Variants in SEPTIN8 observed in about 807,000 individuals in gnomAD.
The protein encoded by SEPTIN8 is septin 8.
Under a neutral mutation model 53.1 loss-of-function variants are expected in SEPTIN8, and 22 were observed. That is an observed-to-expected ratio of 0.41 (90% CI 0.30 to 0.59). The LOEUF is 0.59. Ranked by LOEUF, SEPTIN8 falls within the 20% of genes least tolerant of loss-of-function variation. The pLI is 0.24. For missense variants in SEPTIN8, 536 were observed against 638.7 expected (o/e 0.84, Z 1.73); for synonymous variants, 228 against 248.4 (o/e 0.92, Z 0.77).
intron 9 of SEPTIN8, 83 bp from the exon 10 acceptor site, chr5:132,752,264 A>T: frequency 6.8e-7 from 1 of 1,479,810 alleles, no homozygotes; most frequent in Non-Finnish European, 9.1e-7. Flanking sequence ...CTCTGACCCC[A>T]AAGGGGTACC....
rs921220441 is a variant in SEPTIN8 at position 132,773,944 on chromosome 5, C to G, written c.30+3164G>C. 5 of 152,446 alleles carry G rather than the reference C, an allele frequency of 3.3e-5. No individual in the cohort carries two copies. The highest frequency in any genetic ancestry group is 1.2e-4 in the African/African-American group (5 of 41,470). 9.4% of individuals were successfully genotyped at this position (152,446 alleles called of 1,614,324 possible). On this transcript the variant is annotated intron_variant, in intron 1 of 9. Coordinates refer to ENST00000378719, the MANE Select transcript of SEPTIN8 (RefSeq NM_001098811.2). This position sits in a 1 kb window ranked among gnomAD's most constrained non-coding sequence, Gnocchi z 4.2. Reference sequence around the variant, plus strand: ...TCACCTCCTGGGGGAGAGGGCAGAGCTGCAGCTCTGCAGGTGGTGCTCACA... The same window carrying G: ...TCACCTCCTGGGGGAGAGGGCAGAGGTGCAGCTCTGCAGGTGGTGCTCACA...
chr5:132,763,442 A>C (rs1756204703), intron 4 of SEPTIN8, among the ~76,000 whole-genome samples: 1 of 152,216 alleles, frequency 6.6e-6, no homozygotes, highest in African/African-American at 2.4e-5. Flanking sequence ...GGAGGGGCTG[A>C]CAATGAGAAT....
chr5:132,751,646 T>A lies in SEPTIN8; in HGVS notation c.*370A>T. 1 of 415,156 alleles carries A rather than the reference T, an allele frequency of 2.4e-6. No individual in the cohort carries two copies. The highest frequency in any genetic ancestry group is 4.4e-5 in the East Asian group (1 of 22,828). The allele number at this position is 415,156 out of a possible 1,614,324, so 25.7% of individuals were successfully genotyped here. A position where few individuals can be genotyped will look rare whatever the true frequency, so the allele number is the denominator to read the frequency against. ...TCGTCTTATGATAAGCAGATACAAG[T>A]AACTTTTCTGCTACCTTGGTCTTGA... On this transcript the variant is annotated 3_prime_UTR_variant, in exon 10 of 10. Coordinates refer to ENST00000378719, the MANE Select transcript of SEPTIN8 (RefSeq NM_001098811.2).
chr5:132,757,782 T>G, intron 9 of SEPTIN8: 3 of 985,476 alleles, frequency 3.0e-6, no homozygotes, highest in Non-Finnish European at 3.6e-6. Context: ...AATGTTCCCC[T>G]TTAGAGTGCA....
chr5:132,759,058 T>G (rs1755631732), intron 9 of SEPTIN8: 2 of 677,732 alleles, frequency 3.0e-6, no homozygotes, highest in Non-Finnish European at 5.6e-6. Flanking sequence ...TTAAAGAGTA[T>G]GCATAACCAA....
In SEPTIN8 at chr5:132,751,197, T is replaced by C. The variant is rs1754815843; in HGVS notation, c.*819A>G. On this transcript the variant is annotated 3_prime_UTR_variant, in exon 10 of 10. Transcript: ENST00000378719. Reference sequence around the variant, plus strand: ...AACACAGTTCCACCAGACTCCCACTTCTAAAGGACATTAAATTAACTTTAC... The same window carrying C: ...AACACAGTTCCACCAGACTCCCACTCCTAAAGGACATTAAATTAACTTTAC... The C allele has an allele frequency of 1.8e-5, 9 of 495,826 alleles. No individual in the cohort carries two copies. The South Asian group carries it at 3.9e-4, about 21-fold the overall frequency. The allele number at this position is 495,826 out of a possible 1,614,324, so 30.7% of individuals were successfully genotyped here.
intron 9 of SEPTIN8, among the ~76,000 whole-genome samples, chr5:132,755,785 CT>C (rs1561735313): frequency 2.0e-5 from 3 of 152,170 alleles, no homozygotes; most frequent in African/African-American, 7.2e-5. Context: ...CTTCCTGTAA[CT>C]TTCCTGTGAC....
In SEPTIN8 at chr5:132,761,248, T is replaced by C; in HGVS notation, c.980A>G (p.Glu327Gly). The C allele has an allele frequency of 6.2e-7, 1 of 1,613,976 alleles. No homozygotes were observed. Among genetic ancestry groups the C allele is most frequent in the Non-Finnish European group, 8.5e-7 (1 of 1,180,034 alleles). Reference protein sequence around the residue: ...SQPFSLQETYEAKRKEFLSEL... With the variant: ...SQPFSLQETYGAKRKEFLSEL... ...ACTTAGGAACTCCTTCCTCTTGGCC[T>C]CGTATGTCTCTTGTAGGCTGTGGAG... Residue 327 changes from glutamate (E) to glycine (G), a missense_variant, in exon 8 of 10, where the codon GAG becomes GGG. Glu to Gly is a moderately conservative substitution (Grantham distance 98, BLOSUM62 -2). Coordinates refer to ENST00000378719, the MANE Select transcript of SEPTIN8 (RefSeq NM_001098811.2). This position sits in a 1 kb window ranked among gnomAD's most constrained non-coding sequence, Gnocchi z 5.8.
chr5:132,777,788 C>A, upstream of SEPTIN8: 1 of 985,446 alleles, frequency 1.0e-6, no homozygotes, highest in Non-Finnish European at 1.2e-6. The surrounding 1 kb of genome is among the most constrained non-coding windows in gnomAD (Gnocchi z 4.1). Flanking sequence ...AAGGCGGGAA[C>A]CCCGGCGGGA....
At chr5:132,756,291 C>T (rs1016365011) in intron 9 of SEPTIN8, 9 of 984,632 alleles carry the variant, frequency 9.1e-6, no homozygotes, top group Middle Eastern at 5.2e-4. Flanking sequence ...ATTTCCACAT[C>T]GGCCTGGGAC....
In SEPTIN8 at chr5:132,751,101, G is replaced by A. The variant is rs1754808377; in HGVS notation, c.*915C>T. ...AAAGCACAGGCGTGCACACGCCCTTGCACATGCACCACAGTGAGGTGACGC... is the reference window on the plus strand; with the variant it reads ...AAAGCACAGGCGTGCACACGCCCTTACACATGCACCACAGTGAGGTGACGC... On this transcript the variant is annotated 3_prime_UTR_variant, in exon 10 of 10. Coordinates refer to ENST00000378719, the MANE Select transcript of SEPTIN8 (RefSeq NM_001098811.2). The A allele has an allele frequency of 5.3e-6, 7 of 1,322,960 alleles. No individual in the cohort carries two copies. Among genetic ancestry groups the A allele is most frequent in the Non-Finnish European group, 7.3e-6 (7 of 955,128 alleles). The allele number at this position is 1,322,960 out of a possible 1,614,324, so 82.0% of individuals were successfully genotyped here.
chr5:132,765,107 G>T (rs1263890680), intron 2 of SEPTIN8, among the ~76,000 whole-genome samples: 1 of 152,034 alleles, frequency 6.6e-6, no homozygotes, highest in East Asian at 1.9e-4. Flanking sequence ...ATGAGTACAT[G>T]TTTTTTAAAT....
intron 9 of SEPTIN8, chr5:132,753,070 G>A: frequency 4.2e-6 from 4 of 962,052 alleles, no homozygotes; most frequent in Non-Finnish European, 6.4e-6. Context: ...TGTAAAAAGG[G>A]AAGGTGGCTC....
Position 132,760,062 on chromosome 5 carries a change from A to G in SEPTIN8, c.1286+740T>C, listed in dbSNP as rs980838836. Among the ~76,000 whole-genome samples the G allele has an allele frequency of 6.6e-6, 1 of 151,982 alleles. No individual in the cohort carries two copies. The highest frequency in any genetic ancestry group is 1.5e-5 in the Non-Finnish European group (1 of 67,986). ...ACTTGAGGGGCAGCTCTTCTCCCCA[A>G]AAGAACCCACAGAGCCCCTGTGGGA... On this transcript the variant is annotated intron_variant, in intron 9 of 9. Transcript: ENST00000378719. This position sits in a 1 kb window ranked among gnomAD's most constrained non-coding sequence, Gnocchi z 5.2.
intron 9 of SEPTIN8, chr5:132,758,762 A>G: frequency 1.9e-6 from 3 of 1,613,556 alleles, no homozygotes; most frequent in Admixed American, 3.3e-5. Context: ...GGTGTAACTC[A>G]AGCAACTTAA....
intron 9 of SEPTIN8, among the ~76,000 whole-genome samples, chr5:132,755,252 A>T (rs1755222778): frequency 6.6e-6 from 1 of 152,156 alleles, no homozygotes; most frequent in African/African-American, 2.4e-5. Context: ...TCCTTAAAAA[A>T]CAAACCCACA....
Position 132,761,227 on chromosome 5 carries a change from A to G in SEPTIN8, c.1001T>C (p.Leu334Pro), listed in dbSNP as rs1482708190. ...TTCCTCCTTCCTCTGCAGCTCACTTAGGAACTCCTTCCTCTTGGCCTCGTA... is the reference window on the plus strand; with the variant it reads ...TTCCTCCTTCCTCTGCAGCTCACTTGGGAACTCCTTCCTCTTGGCCTCGTA... ...ETYEAKRKEF[L>P]SELQRKEEEM... The change falls in exon 8 of 10, where the codon CTA becomes CCA. Residue 334 changes from leucine to proline, a missense_variant. Leu to Pro is a moderately conservative substitution (Grantham distance 98). Around this residue, in one of 3 missense-constraint regions of SEPTIN8, gnomAD observed 395 missense variants for 451.8 expected, o/e 0.87. Coordinates refer to ENST00000378719, the MANE Select transcript of SEPTIN8 (RefSeq NM_001098811.2). This position sits in a 1 kb window ranked among gnomAD's most constrained non-coding sequence, Gnocchi z 5.8. 1 of 1,614,012 alleles carries G rather than the reference A, an allele frequency of 6.2e-7. No individual in the cohort carries two copies. Among genetic ancestry groups the G allele is most frequent in the African/African-American group, 1.3e-5 (1 of 74,924 alleles).
intron 1 of SEPTIN8, among the ~76,000 whole-genome samples, chr5:132,771,013 G>A (rs569824214): frequency 5.3e-5 from 8 of 152,224 alleles, no homozygotes; most frequent in East Asian, 1.9e-4. Context: ...TTCTCAGGCC[G>A]GCTGCGTGCC....
At chr5:132,770,000 T>C (rs1224338733) in intron 1 of SEPTIN8, among the ~76,000 whole-genome samples, 18 of 47,020 alleles carry the variant, frequency 3.8e-4, no homozygotes, top group African/African-American at 1.2e-3. Context: ...TATATATATA[T>C]ATATATATAT....
Sources: gnomAD v4.1 joint callset for allele counts (sites outside exome capture counted in the v4.1 genomes callset) on GRCh38, gnomAD v4.1.1 for gene constraint, gnomAD v4.1.1 regional missense constraint, Gnocchi (gnomAD v3.1) non-coding constraint, MANE v1.5 for transcripts, NCBI Gene and HGNC (gene_info 2026-07-23, HGNC 2026-07-21) for gene names.